Variants in POFUT3 observed in about 807,000 individuals in gnomAD.
POFUT3 encodes protein O-fucosyltransferase 3.
chr8:33,378,481 G>A, the POFUT3 span, among the ~76,000 whole-genome samples: 1 of 152,058 alleles, frequency 6.6e-6, no homozygotes, highest in Non-Finnish European at 1.5e-5. Context: ...GCAGAGCTTG[G>A]CTGCCAAGAG....
chr8:33,434,539 C>G, the POFUT3 span, among the ~76,000 whole-genome samples: 2 of 152,180 alleles, frequency 1.3e-5, no homozygotes, highest in South Asian at 2.1e-4. Flanking sequence ...TAACACAGCT[C>G]TGTGGGTTCT....
At chr8:33,411,511 G>A in the POFUT3 span, among the ~76,000 whole-genome samples, 8 of 152,132 alleles carry the variant, frequency 5.3e-5, no homozygotes, top group Non-Finnish European at 8.8e-5. Flanking sequence ...AATATGGGCC[G>A]GGCGCCATGG....
the POFUT3 span, among the ~76,000 whole-genome samples, chr8:33,428,665 G>A: frequency 6.6e-6 from 1 of 152,132 alleles, no homozygotes; most frequent in Admixed American, 6.6e-5. Context: ...CAACAGTGTT[G>A]GGGGGTGTGG....
the POFUT3 span, among the ~76,000 whole-genome samples, chr8:33,436,909 C>CG: frequency 2.0e-5 from 3 of 152,066 alleles, no homozygotes; most frequent in South Asian, 4.1e-4. Context: ...CTTTTCCCCC[C>CG]TCCCTCCTTC....
the POFUT3 span, among the ~76,000 whole-genome samples, chr8:33,317,803 C>T: frequency 1.3e-5 from 2 of 152,008 alleles, no homozygotes; most frequent in Admixed American, 6.6e-5. Flanking sequence ...TCAAGCTGTC[C>T]CTCCGCGCCT....
At chr8:33,436,277 C>A in the POFUT3 span, 1 of 1,354,948 alleles carries the variant, frequency 7.4e-7, no homozygotes, top group Non-Finnish European at 1.1e-6. Flanking sequence ...AGCCCACACA[C>A]ATCCCACTGT....
At chr8:33,442,318 T>C in the POFUT3 span, among the ~76,000 whole-genome samples, 1,389 of 149,744 alleles carry the variant, frequency 9.3e-3, 18 homozygotes, top group African/African-American at 0.032. Context: ...GACAGAGTCT[T>C]GCTCTGTCGC....
the POFUT3 span, among the ~76,000 whole-genome samples, chr8:33,330,752 CT>C: frequency 6.6e-6 from 1 of 152,132 alleles, no homozygotes; most frequent in African/African-American, 2.4e-5. Flanking sequence ...CCTTCACCTC[CT>C]GTCCTGGCCC....
the POFUT3 span, among the ~76,000 whole-genome samples, chr8:33,345,201 A>G: frequency 1.3e-5 from 2 of 152,276 alleles, no homozygotes; most frequent in South Asian, 2.1e-4. Flanking sequence ...TAAAAAATGT[A>G]TGCAGAGTAA....
the POFUT3 span, among the ~76,000 whole-genome samples, chr8:33,319,630 TTA>T: frequency 9.2e-5 from 1 of 10,918 alleles, no homozygotes; most frequent in Middle Eastern, 0.023. Flanking sequence ...TATATATATT[TTA>T]TATATATTTA....
chr8:33,349,255 T>A, the POFUT3 span, among the ~76,000 whole-genome samples: 1 of 152,200 alleles, frequency 6.6e-6, no homozygotes, highest in Non-Finnish European at 1.5e-5. Context: ...TGCAAGCTCC[T>A]CTTCTCCTTG....
the POFUT3 span, among the ~76,000 whole-genome samples, chr8:33,329,072 TG>T: frequency 9.2e-5 from 14 of 152,350 alleles, no homozygotes; most frequent in Middle Eastern, 3.4e-3. Flanking sequence ...TGTTAGGCTT[TG>T]TATATCATAC....
At chr8:33,445,643 C>T in the POFUT3 span, among the ~76,000 whole-genome samples, 2 of 152,060 alleles carry the variant, frequency 1.3e-5, no homozygotes, top group Non-Finnish European at 2.9e-5. Context: ...AATGGTGACC[C>T]TCCAAAGAGC....
chr8:33,450,130 G>T, the POFUT3 span, among the ~76,000 whole-genome samples: 9 of 151,662 alleles, frequency 5.9e-5, no homozygotes, highest in Non-Finnish European at 1.2e-4. Flanking sequence ...TAGTAGAGAC[G>T]GGGTTTCACC....
the POFUT3 span, among the ~76,000 whole-genome samples, chr8:33,328,727 A>G: frequency 2.0e-5 from 3 of 152,198 alleles, no homozygotes; most frequent in Non-Finnish European, 4.4e-5. Context: ...CTTGTGCCCA[A>G]ACATGAACCA....
the POFUT3 span, among the ~76,000 whole-genome samples, chr8:33,337,462 T>G: frequency 6.6e-6 from 1 of 152,120 alleles, no homozygotes; most frequent in East Asian, 1.9e-4. Flanking sequence ...TCTTTTTGCC[T>G]AATACACATC....
At chr8:33,368,125 T>G in the POFUT3 span, among the ~76,000 whole-genome samples, 1 of 152,210 alleles carries the variant, frequency 6.6e-6, no homozygotes, top group Non-Finnish European at 1.5e-5. Flanking sequence ...CTCATGTCAC[T>G]GTTCCAGGAG....
At chr8:33,435,513 G>A in the POFUT3 span, among the ~76,000 whole-genome samples, 2 of 147,868 alleles carry the variant, frequency 1.4e-5, no homozygotes, top group Non-Finnish European at 3.0e-5. Context: ...ACCGCGCCCA[G>A]GCAACTTTTT....
At chr8:33,394,056 A>G in the POFUT3 span, among the ~76,000 whole-genome samples, 1 of 152,084 alleles carries the variant, frequency 6.6e-6, no homozygotes, top group Non-Finnish European at 1.5e-5. Flanking sequence ...GTGATGGTGC[A>G]CACCTATAGT....
Sources: gnomAD v4.1 joint callset for allele counts (sites outside exome capture counted in the v4.1 genomes callset) on GRCh38, gnomAD v4.1.1 for gene constraint, MANE v1.5 for transcripts, NCBI Gene and HGNC (gene_info 2026-07-23, HGNC 2026-07-21) for gene names.